RARB: variants seen among roughly 807,000 people sequenced by gnomAD.
The protein encoded by RARB is HBV-activated protein.
RARB carries 17 observed loss-of-function variants against 51.9 expected under a neutral mutation model. The ratio of observed to expected loss-of-function variants is 0.33; its 90% CI spans 0.22 to 0.49. RARB has a LOEUF of 0.49. RARB is among the 20% of genes least tolerant of loss of function. The pLI is 0.99. For synonymous variants in RARB, 215 were observed against 195.4 expected, an observed-to-expected ratio of 1.10 and a Z score of -0.84; for missense variants, 369 against 550.8, an observed-to-expected ratio of 0.67 and a Z score of 3.30.
intron 5 of RARB, among the ~76,000 whole-genome samples, chr3:25,292,838 G>T (rs1703822272): frequency 7.9e-5 from 12 of 152,248 alleles, no homozygotes; most frequent in Middle Eastern, 3.4e-3. Flanking sequence ...ACATGGTCCT[G>T]CCCTATTCGA....
intron 2 of RARB, among the ~76,000 whole-genome samples, chr3:25,002,703 AC>A (rs1697187661): frequency 6.6e-6 from 1 of 151,584 alleles, no homozygotes; most frequent in Admixed American, 6.6e-5. Context: ...ACATGTATAC[AC>A]ATAAATCTAT....
chr3:24,950,238 C>T (rs899394846), intron 2 of RARB, among the ~76,000 whole-genome samples: 8 of 152,126 alleles, frequency 5.3e-5, no homozygotes, highest in Non-Finnish European at 8.8e-5. Flanking sequence ...ACATATGTCT[C>T]GAAACAGTTT....
chr3:25,135,704 G>C lies in RARB; in HGVS notation c.-280+3496G>C, dbSNP rs78991919. ...GCAAAGACTTTTTTAAAAGCAAGTA[G>C]TGCATTAAGTCATATTTTTTAGACA... On this transcript the variant is annotated intron_variant, in intron 4 of 11. Transcript: ENST00000383772. 3.4e-3 allele frequency among the ~76,000 whole-genome samples: 523 copies of C among 152,036 alleles called. 6 individuals carry two copies. The East Asian group carries it at 0.044, about 13-fold the overall frequency.
intron 2 of RARB, among the ~76,000 whole-genome samples, chr3:24,973,092 G>C (rs1696436714): frequency 6.6e-6 from 1 of 151,966 alleles, no homozygotes; most frequent in Non-Finnish European, 1.5e-5. Context: ...GTTTCTTCTA[G>C]GAGTTTCATA....
chr3:25,028,611 G>A (rs1421754059), intron 2 of RARB, among the ~76,000 whole-genome samples: 1 of 152,164 alleles, frequency 6.6e-6, no homozygotes, highest in African/African-American at 2.4e-5. Context: ...AAGGAATCAT[G>A]GGAAAGGGTG....
chr3:25,322,328 G>A (rs1428642822), intron 5 of RARB, among the ~76,000 whole-genome samples: 1 of 152,160 alleles, frequency 6.6e-6, no homozygotes. Flanking sequence ...AGATTGCAAA[G>A]TTCTAAAAGA....
Position 25,369,648 on chromosome 3 carries a change from C to T in RARB, c.179-91545C>T, listed in dbSNP as rs543314503. The stretch of plus-strand genomic sequence containing the variant: ...AAAGATGTTCACTTTCATGGCCAGG[C>T]GCGGTGGCTCACGCCTGTAATCCCA... On this transcript the variant is annotated intron_variant, in intron 5 of 11. Coordinates refer to the RARB transcript ENST00000383772. Among the ~76,000 whole-genome samples the T allele has an allele frequency of 6.6e-5, 10 of 152,264 alleles. No individual in the cohort carries two copies. The East Asian group carries it at 1.7e-3, about 27-fold the overall frequency.
chr3:25,138,996 T>G (rs6771604), intron 4 of RARB, among the ~76,000 whole-genome samples: 18,769 of 152,156 alleles, frequency 0.12, 1,539 homozygotes, highest in South Asian at 0.28. Flanking sequence ...AGATTCAGCA[T>G]TCTTTGATGT....
At chr3:24,830,117 T>C (rs1319339229) in intron 1 of RARB, among the ~76,000 whole-genome samples, 1 of 152,124 alleles carries the variant, frequency 6.6e-6, no homozygotes, top group African/African-American at 2.4e-5. Flanking sequence ...CCCTGGAGGC[T>C]GAGGCTCTAA....
chr3:25,294,735 A>C (rs1030357889), intron 5 of RARB, among the ~76,000 whole-genome samples: 1 of 126,726 alleles, frequency 7.9e-6, no homozygotes, highest in Non-Finnish European at 1.6e-5. Context: ...AGCTTCCTAG[A>C]AGTCATTTGG....
intron 1 of RARB, among the ~76,000 whole-genome samples, chr3:25,453,386 T>C (rs953815932): frequency 1.3e-5 from 2 of 151,926 alleles, no homozygotes; most frequent in African/African-American, 4.8e-5. Flanking sequence ...TAGCTGGGAT[T>C]ACAGGCATGC....
chr3:25,381,762 C>T (rs1407965142), intron 5 of RARB, among the ~76,000 whole-genome samples: 1 of 152,152 alleles, frequency 6.6e-6, no homozygotes, highest in Admixed American at 6.5e-5. Context: ...AATTCTCAGG[C>T]CCTATCTCTG....
At chr3:25,451,514 A>T (rs1709194446) in intron 1 of RARB, among the ~76,000 whole-genome samples, 1 of 152,222 alleles carries the variant, frequency 6.6e-6, no homozygotes, top group South Asian at 2.1e-4. Flanking sequence ...CATATGGTGC[A>T]TACCTGTAAG....
chr3:25,481,404 A>G (rs1437026434), intron 2 of RARB, among the ~76,000 whole-genome samples: 1 of 152,122 alleles, frequency 6.6e-6, no homozygotes, highest in Non-Finnish European at 1.5e-5. Context: ...TGTTTTTTGA[A>G]TTTTTCTGCA....
Position 25,205,069 on chromosome 3 carries a change from C to T in RARB, c.178+30494C>T, listed in dbSNP as rs926083166. On this transcript the variant is annotated intron_variant, in intron 5 of 11. Coordinates refer to the RARB transcript ENST00000383772. ...AGACCTCCTTGAGCTGTGGTGGGCT[C>T]TACCCGGTTCGAGCTTCCTGGCTGC... 3.3e-5 allele frequency among the ~76,000 whole-genome samples: 5 copies of T among 152,156 alleles called. 1 individual carries two copies. Among genetic ancestry groups the T allele is most frequent in the Admixed American group, 2.0e-4 (3 of 15,282 alleles).
chr3:24,909,367 A>G (rs1329540924), intron 2 of RARB, among the ~76,000 whole-genome samples: 1 of 152,210 alleles, frequency 6.6e-6, no homozygotes. Flanking sequence ...AGCAATATCA[A>G]TAAAATATGG....
chr3:25,098,991 A>G (rs1699350113), intron 3 of RARB, among the ~76,000 whole-genome samples: 2 of 152,190 alleles, frequency 1.3e-5, no homozygotes, highest in Admixed American at 6.6e-5. Flanking sequence ...GAGTGGCTGT[A>G]GTATCAACCC....
intron 3 of RARB, among the ~76,000 whole-genome samples, chr3:25,083,070 T>A (rs910356917): frequency 6.6e-6 from 1 of 152,108 alleles, no homozygotes; most frequent in African/African-American, 2.4e-5. Context: ...TGTGTTTTTT[T>A]CCTTCTGGCT....
At chr3:25,274,337 A>G (rs1872144) in intron 5 of RARB, among the ~76,000 whole-genome samples, 123,787 of 152,116 alleles carry the variant, frequency 0.81, 50,426 homozygotes, top group East Asian at 0.85. Flanking sequence ...AGCCACACGC[A>G]ACTAATGGCC....
Sources: gnomAD v4.1 joint callset for allele counts (sites outside exome capture counted in the v4.1 genomes callset) on GRCh38, gnomAD v4.1.1 for gene constraint, MANE v1.5 for transcripts, NCBI Gene and HGNC (gene_info 2026-07-23, HGNC 2026-07-21) for gene names.